MAGI2: variants seen among roughly 807,000 people sequenced by gnomAD.
The protein encoded by MAGI2 is membrane-associated guanylate kinase, WW and PDZ domain-containing protein 2.
A neutral mutation model predicts 133.3 loss-of-function variants in MAGI2; 35 were observed. The ratio of observed to expected loss-of-function variants is 0.26; its 90% CI spans 0.20 to 0.35. MAGI2 has a LOEUF of 0.35. Ranked by LOEUF, MAGI2 falls within the 10% of genes least tolerant of loss-of-function variation. MAGI2 has a pLI of 1.00. For missense variants in MAGI2, 1,636 were observed against 1,863.4 expected (o/e 0.88, Z 2.25); for synonymous variants, 729 against 710.6 (o/e 1.03, Z -0.41).
intron 5 of MAGI2, among the ~76,000 whole-genome samples, chr7:78,496,473 C>T (rs1794096813): frequency 6.6e-6 from 1 of 152,196 alleles, no homozygotes; most frequent in Non-Finnish European, 1.5e-5. Context: ...GCACGTCAAT[C>T]CAGATTAACC....
intron 1 of MAGI2, among the ~76,000 whole-genome samples, chr7:79,275,357 C>T (rs923405237): frequency 1.3e-5 from 2 of 152,184 alleles, no homozygotes; most frequent in Non-Finnish European, 2.9e-5. Flanking sequence ...CAAGCCACAA[C>T]ATTCTCCTAA....
chr7:79,093,580 A>G (rs988734574), intron 1 of MAGI2, among the ~76,000 whole-genome samples: 3 of 152,114 alleles, frequency 2.0e-5, no homozygotes, highest in Non-Finnish European at 4.4e-5. Context: ...TCAGCAAGCC[A>G]CAATCTTCTT....
Position 79,284,120 on chromosome 7 carries a change from A to T in MAGI2, c.301+168900T>A, listed in dbSNP as rs181557547. Among the ~76,000 whole-genome samples the T allele has an allele frequency of 9.9e-5, 15 of 152,230 alleles. No individual in the cohort carries two copies. In the East Asian group the frequency reaches 2.9e-3, roughly 29 times the overall value. The stretch of plus-strand genomic sequence containing the variant: ...TGTTCACACAATAATGAAATCACCT[A>T]ATGATGCATTTTTTCAGAACGAATC... On this transcript the variant is annotated intron_variant, in intron 1 of 21. Coordinates refer to ENST00000354212, the MANE Select transcript of MAGI2 (RefSeq NM_012301.4).
intron 2 of MAGI2, among the ~76,000 whole-genome samples, chr7:78,745,804 T>C (rs1353655842): frequency 1.3e-5 from 2 of 152,226 alleles, no homozygotes; most frequent in Non-Finnish European, 2.9e-5. Flanking sequence ...AGAAAATCAT[T>C]TGCTTGGTAT....
intron 1 of MAGI2, among the ~76,000 whole-genome samples, chr7:79,082,902 T>C (rs1044622911): frequency 6.6e-6 from 1 of 151,934 alleles, no homozygotes; most frequent in African/African-American, 2.4e-5. Context: ...TGTTTTGTTT[T>C]GTACATTTTG....
chr7:79,273,259 T>A (rs1338650774), intron 1 of MAGI2, among the ~76,000 whole-genome samples: 2 of 152,022 alleles, frequency 1.3e-5, no homozygotes, highest in African/African-American at 4.8e-5. Flanking sequence ...TTTTGAAGGC[T>A]GCAATACCTC....
At chr7:78,877,828 G>A (rs140907515) in intron 2 of MAGI2, among the ~76,000 whole-genome samples, 117 of 152,284 alleles carry the variant, frequency 7.7e-4, no homozygotes, top group African/African-American at 2.5e-3. Flanking sequence ...GGATAATTGC[G>A]TTTTTCAGAG....
At chr7:78,127,172 C>A in intron 19 of MAGI2, 25 bp downstream of exon 19, 1 of 1,526,958 alleles carries the variant, frequency 6.5e-7, no homozygotes, top group South Asian at 1.3e-5. Context: ...GGTCAGGACC[C>A]ACCCTGCTCT....
intron 2 of MAGI2, among the ~76,000 whole-genome samples, chr7:78,829,539 T>C (rs1382082049): frequency 1.3e-5 from 2 of 152,046 alleles, no homozygotes; most frequent in Non-Finnish European, 2.9e-5. Context: ...AATTTATATA[T>C]GTATACTAAA....
chr7:78,336,554 C>T (rs1002082637), intron 9 of MAGI2, among the ~76,000 whole-genome samples: 1 of 152,024 alleles, frequency 6.6e-6, no homozygotes, highest in Non-Finnish European at 1.5e-5. Context: ...GATACCTTGT[C>T]TCTATAAAAA....
chr7:78,321,525 A>T (rs1788001715), intron 9 of MAGI2, among the ~76,000 whole-genome samples: 1 of 152,068 alleles, frequency 6.6e-6, no homozygotes, highest in Admixed American at 6.6e-5. Flanking sequence ...AGGAAAAGGA[A>T]TCCCTATTTA....
At chr7:78,231,460 C>T (rs1331922344) in intron 10 of MAGI2, among the ~76,000 whole-genome samples, 1 of 152,190 alleles carries the variant, frequency 6.6e-6, no homozygotes, top group African/African-American at 2.4e-5. Context: ...TGATAAACAG[C>T]TTCAACGAAA....
chr7:78,867,343 T>C (rs113759109), intron 2 of MAGI2, among the ~76,000 whole-genome samples: 8,991 of 148,734 alleles, frequency 0.06, 314 homozygotes, highest in Middle Eastern at 0.11. Flanking sequence ...ATATACACCA[T>C]GGAATACTAT....
intron 3 of MAGI2, among the ~76,000 whole-genome samples, chr7:78,597,345 C>T (rs902171712): frequency 1.4e-5 from 2 of 141,234 alleles, no homozygotes; most frequent in Non-Finnish European, 3.0e-5. Flanking sequence ...TGTGAAAATA[C>T]ATAAAAACAG....
At chr7:78,093,429 G>C (rs1055658448) in intron 20 of MAGI2, among the ~76,000 whole-genome samples, 1 of 152,006 alleles carries the variant, frequency 6.6e-6, no homozygotes, top group Non-Finnish European at 1.5e-5. Flanking sequence ...ACTCCAACCT[G>C]GGCAACAGAG....
chr7:78,388,898 T>C (rs1795649448), intron 6 of MAGI2, among the ~76,000 whole-genome samples: 1 of 152,200 alleles, frequency 6.6e-6, no homozygotes, highest in Admixed American at 6.5e-5. Context: ...ACAACTATAA[T>C]TAAGATAATA....
At chr7:78,873,001 A>T (rs1030777072) in intron 2 of MAGI2, among the ~76,000 whole-genome samples, 3 of 152,200 alleles carry the variant, frequency 2.0e-5, no homozygotes, top group African/African-American at 7.2e-5. Flanking sequence ...GCTAGATAAA[A>T]TAGTTATAAA....
intron 1 of MAGI2, among the ~76,000 whole-genome samples, chr7:79,014,077 C>T (rs184104645): frequency 6.6e-6 from 1 of 152,210 alleles, no homozygotes; most frequent in East Asian, 1.9e-4. Context: ...ATATATTAAA[C>T]ATTTGCAGAT....
At chr7:78,697,820 CCT>C (rs1817672044) in intron 2 of MAGI2, among the ~76,000 whole-genome samples, 1 of 152,092 alleles carries the variant, frequency 6.6e-6, no homozygotes, top group African/African-American at 2.4e-5. Context: ...CTTTCCCCAT[CCT>C]CTCTCATCCT....
Sources: allele counts gnomAD v4.1 joint callset (sites outside exome capture counted in the v4.1 genomes callset), GRCh38; gene constraint gnomAD v4.1.1; transcripts MANE v1.5; gene names NCBI Gene and HGNC (gene_info 2026-07-23, HGNC 2026-07-21).